TUSC3: variants seen among roughly 807,000 people sequenced by gnomAD.
TUSC3 encodes the protein tumor suppressor candidate 3.
Under a neutral mutation model 44.8 loss-of-function variants are expected in TUSC3, and 45 were observed. The ratio of observed to expected loss-of-function variants is 1.00; its 90% confidence interval spans 0.79 to 1.29. The LOEUF is 1.29. Among genes scored for constraint, TUSC3 ranks in the 50% most tolerant of loss-of-function variants. The pLI is 0.00. For synonymous variants in TUSC3, 212 were observed against 152.9 expected (o/e 1.39, Z -2.85); for missense variants, 519 against 437.9 (o/e 1.19, Z -1.65).
At chr8:15,553,598 A>G (rs1802131043) in intron 1 of TUSC3, among the ~76,000 whole-genome samples, 1 of 151,590 alleles carries the variant, frequency 6.6e-6, no homozygotes, top group Admixed American at 6.6e-5. Flanking sequence ...GAGGTTAAAT[A>G]ACAACTGAAC....
At chr8:15,662,028 G>A (rs1378681352) in intron 4 of TUSC3, 128 bp from the exon 5 acceptor site, 2 of 988,378 alleles carry the variant, frequency 2.0e-6, no homozygotes, top group Non-Finnish European at 3.1e-6. Flanking sequence ...TAGTGCTAGT[G>A]TCACGTATGA....
chr8:15,556,079 A>G (rs577971254), intron 1 of TUSC3, among the ~76,000 whole-genome samples: 2 of 150,758 alleles, frequency 1.3e-5, no homozygotes, highest in African/African-American at 2.4e-5. Context: ...ATATGTATAC[A>G]TGTGCCAAGC....
At chr8:15,595,251 A>G (rs1221620434) in intron 1 of TUSC3, among the ~76,000 whole-genome samples, 2 of 152,150 alleles carry the variant, frequency 1.3e-5, no homozygotes, top group Non-Finnish European at 2.9e-5. Flanking sequence ...TACACATAGG[A>G]TTTGATCAGC....
rs538063313 is a variant in TUSC3 at position 15,699,762 on chromosome 8, C to T, written c.798+25926C>T. On this transcript the variant is annotated intron_variant, in intron 6 of 10. Coordinates refer to ENST00000503731, the MANE Select transcript of TUSC3 (RefSeq NM_006765.4). ...ACAAAGAGTATGGACTTTTTTTAAG[C>T]GTTGTACAGGAAAAGTCTAATTTAA... Among the ~76,000 whole-genome samples, 665 of 152,006 alleles carry T rather than the reference C, an allele frequency of 4.4e-3. 16 individuals are homozygous for T. Among genetic ancestry groups the T allele is most frequent in the Non-Finnish European group, 1.0e-3 (70 of 67,970 alleles).
chr8:15,851,059 C>G, the TUSC3 span, among the ~76,000 whole-genome samples: 2 of 152,140 alleles, frequency 1.3e-5, no homozygotes, highest in Non-Finnish European at 2.9e-5. Flanking sequence ...TGTAACGTGT[C>G]TAAGTCAATG....
intron 6 of TUSC3, among the ~76,000 whole-genome samples, chr8:15,726,889 G>C (rs1345010056): frequency 2.0e-5 from 3 of 152,104 alleles, no homozygotes; most frequent in Admixed American, 2.0e-4. Context: ...CAAAATATTT[G>C]TTCCTTTGGA....
At chr8:15,755,667 A>G (rs534538226) in intron 9 of TUSC3, among the ~76,000 whole-genome samples, 75 of 152,234 alleles carry the variant, frequency 4.9e-4, no homozygotes, top group African/African-American at 1.7e-3. Context: ...AGGCAGAGGC[A>G]TAACACCCAA....
chr8:15,492,496 C>T (rs982229750), intron 2 of TUSC3, among the ~76,000 whole-genome samples: 1 of 152,126 alleles, frequency 6.6e-6, no homozygotes, highest in African/African-American at 2.4e-5. Flanking sequence ...ATGAAATATT[C>T]TGACTTTAAG....
chr8:15,825,525 G>C, the TUSC3 span, among the ~76,000 whole-genome samples: 1 of 152,032 alleles, frequency 6.6e-6, no homozygotes, highest in African/African-American at 2.4e-5. Context: ...GGAATTATGG[G>C]AGCTACAATT....
intron 2 of TUSC3, among the ~76,000 whole-genome samples, chr8:15,533,871 G>A (rs1346152655): frequency 3.3e-5 from 5 of 152,170 alleles, no homozygotes; most frequent in Non-Finnish European, 7.3e-5. Context: ...GTTTCTTGGG[G>A]CTGGCATGTC....
At chr8:15,483,135 G>T (rs1169566298) in intron 1 of TUSC3, among the ~76,000 whole-genome samples, 1 of 152,108 alleles carries the variant, frequency 6.6e-6, no homozygotes, top group Non-Finnish European at 1.5e-5. Context: ...AGAGGAAAGT[G>T]TTAACAGCAT....
chr8:15,687,507 C>T (rs1187776107), intron 6 of TUSC3, among the ~76,000 whole-genome samples: 1 of 152,126 alleles, frequency 6.6e-6, no homozygotes, highest in Non-Finnish European at 1.5e-5. Flanking sequence ...TGGTAGAACT[C>T]CATCTTCAGC....
At chr8:15,826,175 T>C in the TUSC3 span, among the ~76,000 whole-genome samples, 1 of 152,222 alleles carries the variant, frequency 6.6e-6, no homozygotes, top group East Asian at 1.9e-4. Context: ...TTCTAAAATT[T>C]TAGGGCTTAC....
the TUSC3 span, chr8:15,807,056 T>C: frequency 7.1e-7 from 1 of 1,411,542 alleles, no homozygotes; most frequent in Non-Finnish European, 1.0e-6. Flanking sequence ...CGATGTGATC[T>C]AACAAATGCT....
At chr8:15,544,344 T>A (rs956997037) in intron 1 of TUSC3, among the ~76,000 whole-genome samples, 6 of 149,698 alleles carry the variant, frequency 4.0e-5, no homozygotes, top group Admixed American at 2.7e-4. Context: ...GAGCTCCAAT[T>A]CTGTAATTAT....
intron 9 of TUSC3, among the ~76,000 whole-genome samples, chr8:15,749,582 T>G (rs913977053): frequency 3.9e-5 from 6 of 151,960 alleles, no homozygotes; most frequent in Non-Finnish European, 7.4e-5. Flanking sequence ...TTTAAAAATA[T>G]CTGTTCTGAG....
At chr8:15,496,516 C>G (rs906267277) in intron 2 of TUSC3, among the ~76,000 whole-genome samples, 2 of 152,150 alleles carry the variant, frequency 1.3e-5, no homozygotes, top group African/African-American at 4.8e-5. Context: ...GTATGCTGTC[C>G]TAGCTTCTGA....
the TUSC3 span, among the ~76,000 whole-genome samples, chr8:15,799,632 C>T: frequency 2.9e-3 from 440 of 152,328 alleles, 3 homozygotes; most frequent in African/African-American, 9.6e-3. Context: ...AACATATTTA[C>T]TACCTATTCC....
At chr8:15,756,806 T>G (rs2604365) in intron 9 of TUSC3, among the ~76,000 whole-genome samples, 43,509 of 151,904 alleles carry the variant, frequency 0.29, 7,099 homozygotes, top group Non-Finnish European at 0.36. Context: ...TAGTTGAAGG[T>G]GTGTGGAAAA....
Sources: allele counts gnomAD v4.1 joint callset (sites outside exome capture counted in the v4.1 genomes callset), GRCh38; gene constraint gnomAD v4.1.1; transcripts MANE v1.5; gene names NCBI Gene and HGNC (gene_info 2026-07-23, HGNC 2026-07-21).